Variants in ACYP2 observed in about 807,000 individuals in gnomAD.
ACYP2 encodes acylphosphatase-2.
A neutral mutation model predicts 11.2 loss-of-function variants in ACYP2; 12 were observed. The ratio of observed to expected loss-of-function variants is 1.08; its 90% CI spans 0.69 to 1.74. The LOEUF is 1.74. ACYP2 is among the 40% of genes most tolerant of loss of function. ACYP2 has a pLI of 0.00. For missense variants in ACYP2, 134 were observed against 101.9 expected, an observed-to-expected ratio of 1.31 and a Z score of -1.35; for synonymous variants, 43 against 32.2, an observed-to-expected ratio of 1.33 and a Z score of -1.13.
At chr2:54,290,214 C>T (rs560097571) in intron 6 of ACYP2, among the ~76,000 whole-genome samples, 1 of 152,200 alleles carries the variant, frequency 6.6e-6, no homozygotes, top group Admixed American at 6.5e-5. Flanking sequence ...GAAGCTTCCC[C>T]GGGCGAGGCC....
intron 4 of ACYP2, among the ~76,000 whole-genome samples, chr2:54,085,523 T>C (rs1037199386): frequency 6.6e-6 from 1 of 152,238 alleles, no homozygotes; most frequent in Non-Finnish European, 1.5e-5. Context: ...TCTAATACTA[T>C]GTGTTTTGGG....
intron 4 of ACYP2, among the ~76,000 whole-genome samples, chr2:54,058,528 C>A (rs545894503): frequency 6.6e-6 from 1 of 151,970 alleles, no homozygotes; most frequent in Non-Finnish European, 1.5e-5. Context: ...AATTCAATAT[C>A]GAGTATTTAC....
chr2:54,057,684 T>C (rs1676229697), intron 4 of ACYP2, among the ~76,000 whole-genome samples: 1 of 152,184 alleles, frequency 6.6e-6, no homozygotes, highest in South Asian at 2.1e-4. Context: ...TTTATATATA[T>C]ATGTGTGTAT....
intron 6 of ACYP2, among the ~76,000 whole-genome samples, chr2:54,190,087 C>T (rs1684179563): frequency 6.6e-6 from 1 of 152,088 alleles, no homozygotes; most frequent in Non-Finnish European, 1.5e-5. Flanking sequence ...TGTATGAGTT[C>T]TTTATAAATT....
At chr2:54,016,661 A>G (rs1673700561) in intron 2 of ACYP2, among the ~76,000 whole-genome samples, 2 of 151,964 alleles carry the variant, frequency 1.3e-5, no homozygotes, top group South Asian at 4.1e-4. Context: ...TATAAACAAT[A>G]GAAATTTATG....
At chr2:54,147,295 A>C (rs1010428363) in intron 6 of ACYP2, among the ~76,000 whole-genome samples, 7 of 152,048 alleles carry the variant, frequency 4.6e-5, no homozygotes, top group African/African-American at 1.7e-4. Flanking sequence ...CAATATGTAG[A>C]CTTATGGGCT....
At chr2:54,127,402 C>G (rs1256329901) in intron 4 of ACYP2, among the ~76,000 whole-genome samples, 1 of 152,122 alleles carries the variant, frequency 6.6e-6, no homozygotes, top group Non-Finnish European at 1.5e-5. Context: ...CAGTCAGTAA[C>G]TTTGCTGGTT....
At chr2:54,300,825 A>G (rs1689695370) in intron 6 of ACYP2, among the ~76,000 whole-genome samples, 1 of 152,218 alleles carries the variant, frequency 6.6e-6, no homozygotes, top group African/African-American at 2.4e-5. Flanking sequence ...CCAATGTAGA[A>G]AAGTGCCTCT....
intron 2 of ACYP2, among the ~76,000 whole-genome samples, chr2:53,993,385 A>C (rs1316702037): frequency 6.6e-6 from 1 of 152,036 alleles, no homozygotes; most frequent in East Asian, 1.9e-4. Context: ...AGGAAGAAAA[A>C]AAAAGTACAG....
chr2:54,078,316 C>T (rs905662696), intron 4 of ACYP2, among the ~76,000 whole-genome samples: 7 of 151,346 alleles, frequency 4.6e-5, no homozygotes, highest in Non-Finnish European at 1.0e-4. Flanking sequence ...GCTAGGACAG[C>T]CATCTACTGT....
chr2:54,244,167 G>C (rs778361770), intron 6 of ACYP2, among the ~76,000 whole-genome samples: 1 of 151,880 alleles, frequency 6.6e-6, no homozygotes, highest in African/African-American at 2.4e-5. Context: ...GGAGTTGTTC[G>C]TCTTTTCCTC....
chr2:53,988,832 G>C (rs2104516298), intron 2 of ACYP2, among the ~76,000 whole-genome samples: 1 of 152,190 alleles, frequency 6.6e-6, no homozygotes, highest in Admixed American at 6.5e-5. Flanking sequence ...TGCAACCTCT[G>C]CCTCCCGGGT....
At chr2:54,229,614 TGAAAGA>T (rs1006222731) in intron 6 of ACYP2, among the ~76,000 whole-genome samples, 4 of 152,190 alleles carry the variant, frequency 2.6e-5, no homozygotes, top group East Asian at 1.9e-4. Context: ...CTTTTTTCTG[TGAAAGA>T]GAAAAACAAA....
intron 6 of ACYP2, among the ~76,000 whole-genome samples, chr2:54,262,867 A>T (rs1458549502): frequency 6.6e-6 from 1 of 152,194 alleles, no homozygotes; most frequent in African/African-American, 2.4e-5. Flanking sequence ...TTACTGTCCC[A>T]TTCACATTCC....
chr2:54,075,388 A>G (rs537740250), intron 4 of ACYP2, among the ~76,000 whole-genome samples: 20 of 152,228 alleles, frequency 1.3e-4, no homozygotes, highest in Admixed American at 7.8e-4. Context: ...AATCCCAGCT[A>G]CTTGGGAGGC....
intron 6 of ACYP2, among the ~76,000 whole-genome samples, chr2:54,268,209 A>G (rs1167682907): frequency 3.9e-4 from 60 of 152,188 alleles, no homozygotes; most frequent in Admixed American, 3.9e-3. Flanking sequence ...AATATGAACT[A>G]TAGCAAATAG....
chr2:54,179,864 C>G (rs888060420), intron 6 of ACYP2, among the ~76,000 whole-genome samples: 1 of 152,062 alleles, frequency 6.6e-6, no homozygotes, highest in African/African-American at 2.4e-5. Context: ...CTTATTTTAC[C>G]CAGCTCCTAT....
At chr2:54,085,335 G>A (rs774332681) in intron 4 of ACYP2, among the ~76,000 whole-genome samples, 8 of 152,276 alleles carry the variant, frequency 5.3e-5, no homozygotes, top group Non-Finnish European at 1.2e-4. Flanking sequence ...ACGGGACTGC[G>A]GACTGTCCGG....
At chr2:54,078,061 C>T (rs1191346612) in intron 4 of ACYP2, among the ~76,000 whole-genome samples, 2 of 151,886 alleles carry the variant, frequency 1.3e-5, no homozygotes, top group Non-Finnish European at 2.9e-5. Context: ...CCTCGGCCTC[C>T]CAGGCCTCCT....
Sources: gnomAD v4.1 joint callset for allele counts (sites outside exome capture counted in the v4.1 genomes callset) on GRCh38, gnomAD v4.1.1 for gene constraint, MANE v1.5 for transcripts, NCBI Gene and HGNC (gene_info 2026-07-23, HGNC 2026-07-21) for gene names.